The following NPAS3 variants were observed in gnomAD, a reference collection of about 807,000 sequenced individuals.
NPAS3 encodes neuronal PAS domain protein 3, also known as neuronal PAS domain-containing protein 3.
Under a neutral mutation model 73.1 loss-of-function variants are expected in NPAS3, and 14 were observed. The ratio of observed to expected loss-of-function variants is 0.19; its 90% CI spans 0.13 to 0.30. NPAS3 has a LOEUF of 0.30. Ranked by LOEUF, NPAS3 falls within the 10% of genes least tolerant of loss-of-function variation. The pLI is 1.00. For synonymous variants in NPAS3, 620 were observed against 541.5 expected (o/e 1.14, Z -2.01); for missense variants, 1,096 against 1,250.0 (o/e 0.88, Z 1.86).
intron 1 of NPAS3, among the ~76,000 whole-genome samples, chr14:32,977,193 CG>C (rs1566424497): frequency 6.6e-6 from 1 of 151,806 alleles, no homozygotes; most frequent in Non-Finnish European, 1.5e-5. Flanking sequence ...TTTCATTTTC[CG>C]TATTTTGGAG....
At chr14:33,757,378 A>G (rs1010891517) in intron 7 of NPAS3, among the ~76,000 whole-genome samples, 1 of 152,190 alleles carries the variant, frequency 6.6e-6, no homozygotes, top group African/African-American at 2.4e-5. Flanking sequence ...CTGCTGTTCA[A>G]CATATGGGGA....
At chr14:33,660,478 A>G (rs559512626) in intron 5 of NPAS3, among the ~76,000 whole-genome samples, 83 of 152,296 alleles carry the variant, frequency 5.4e-4, no homozygotes, top group African/African-American at 1.9e-3. Flanking sequence ...GTGTTTTTCT[A>G]TCCCTCTTGG....
At chr14:33,711,494 G>A (rs1420508310) in intron 6 of NPAS3, among the ~76,000 whole-genome samples, 5 of 152,100 alleles carry the variant, frequency 3.3e-5, no homozygotes, top group East Asian at 1.9e-4. Flanking sequence ...TTTCCTGTAC[G>A]CTTTTCTGTA....
At chr14:33,202,472 C>T (rs551468953) in intron 2 of NPAS3, among the ~76,000 whole-genome samples, 2 of 151,962 alleles carry the variant, frequency 1.3e-5, no homozygotes, top group South Asian at 2.1e-4. Context: ...GTTAAAATAA[C>T]GAATTTGTAA....
intron 2 of NPAS3, among the ~76,000 whole-genome samples, chr14:33,149,680 A>T (rs1216427478): frequency 6.6e-6 from 1 of 152,216 alleles, no homozygotes; most frequent in Non-Finnish European, 1.5e-5. Context: ...GAATTAAAAC[A>T]GTAATGTAGA....
intron 5 of NPAS3, among the ~76,000 whole-genome samples, chr14:33,661,735 G>A (rs919381420): frequency 6.6e-6 from 1 of 152,024 alleles, no homozygotes; most frequent in African/African-American, 2.4e-5. Flanking sequence ...AAGGAGATAT[G>A]TCTATATTAT....
At chr14:33,255,611 C>T (rs913513074) in intron 3 of NPAS3, among the ~76,000 whole-genome samples, 3 of 152,120 alleles carry the variant, frequency 2.0e-5, no homozygotes, top group African/African-American at 7.2e-5. Context: ...CTTTGGCCAG[C>T]TCTCTCATCC....
At chr14:32,976,410 T>C (rs1241531153) in intron 1 of NPAS3, among the ~76,000 whole-genome samples, 1 of 152,218 alleles carries the variant, frequency 6.6e-6, no homozygotes, top group Non-Finnish European at 1.5e-5. Flanking sequence ...GACTTTGCCA[T>C]GTAAAATTTA....
At chr14:33,607,420 A>G (rs2057605852) in intron 5 of NPAS3, among the ~76,000 whole-genome samples, 2 of 150,174 alleles carry the variant, frequency 1.3e-5, no homozygotes, top group Non-Finnish European at 3.0e-5. Context: ...AAAAAAAAAA[A>G]GAGTGATTCC....
chr14:33,616,982 T>A (rs1295143396), intron 5 of NPAS3, among the ~76,000 whole-genome samples: 1 of 152,174 alleles, frequency 6.6e-6, no homozygotes, highest in Non-Finnish European at 1.5e-5. Context: ...GCAACACTAT[T>A]TTTCATGGCA....
intron 10 of NPAS3, among the ~76,000 whole-genome samples, chr14:33,796,588 G>A (rs1269708548): frequency 6.6e-6 from 1 of 152,108 alleles, no homozygotes; most frequent in East Asian, 1.9e-4. Flanking sequence ...AAAAATCGAA[G>A]AGGCATTTCC....
intron 1 of NPAS3, among the ~76,000 whole-genome samples, chr14:32,997,760 TAAAA>T (rs36083770): frequency 8.9e-6 from 1 of 112,752 alleles, no homozygotes. Context: ...CCGTCTCTAC[TAAAA>T]AAAAAAAAAA....
At chr14:32,948,108 C>A (rs1285598503) in intron 1 of NPAS3, among the ~76,000 whole-genome samples, 2 of 152,102 alleles carry the variant, frequency 1.3e-5, no homozygotes, top group African/African-American at 2.4e-5. Flanking sequence ...GAATCTCTTG[C>A]TACCAGCAGT....
chr14:33,578,225 C>G, intron 5 of NPAS3: 1 of 455,862 alleles, frequency 2.2e-6, no homozygotes, highest in South Asian at 1.5e-5. Flanking sequence ...CGGAGTTTTA[C>G]TCTTGTTGCC....
At chr14:33,699,321 C>T (rs959482076) in intron 6 of NPAS3, among the ~76,000 whole-genome samples, 3 of 152,032 alleles carry the variant, frequency 2.0e-5, no homozygotes, top group African/African-American at 7.2e-5. Flanking sequence ...TTTTATATCA[C>T]GGTGGATCCT....
chr14:32,996,666 T>C (rs944725019), intron 1 of NPAS3, among the ~76,000 whole-genome samples: 1 of 152,158 alleles, frequency 6.6e-6, no homozygotes, highest in Non-Finnish European at 1.5e-5. Flanking sequence ...CATGTGGTGT[T>C]GAGCCTGCCA....
intron 9 of NPAS3, among the ~76,000 whole-genome samples, chr14:33,782,608 A>G (rs1208938295): frequency 1.3e-5 from 2 of 152,280 alleles, no homozygotes; most frequent in East Asian, 3.9e-4. Context: ...CTGCTCCACC[A>G]GGGAGGCTCA....
downstream of NPAS3, chr14:33,801,449 G>A: frequency 3.1e-6 from 1 of 321,542 alleles, no homozygotes; most frequent in South Asian, 3.2e-5. Flanking sequence ...GTGGTCAAGA[G>A]AGTTCTCAAG....
At chr14:33,285,888 C>T (rs1566759227) in intron 3 of NPAS3, among the ~76,000 whole-genome samples, 1 of 152,162 alleles carries the variant, frequency 6.6e-6, no homozygotes, top group African/African-American at 2.4e-5. Flanking sequence ...CACTTTCCTC[C>T]TAGGTAAGAC....
Sources: gnomAD v4.1 joint callset for allele counts (sites outside exome capture counted in the v4.1 genomes callset) on GRCh38, gnomAD v4.1.1 for gene constraint, MANE v1.5 for transcripts, NCBI Gene and HGNC (gene_info 2026-07-23, HGNC 2026-07-21) for gene names.